Variants in NOX4 observed in about 807,000 individuals in gnomAD.
NOX4 encodes the protein kidney oxidase-1.
NOX4 carries 69 observed loss-of-function variants against 87.6 expected under a neutral mutation model. That is an observed-to-expected ratio of 0.79 (90% CI 0.65 to 0.96). The LOEUF is 0.96. NOX4 is among the 40% of genes least tolerant of loss of function. The probability of loss-of-function intolerance (pLI) is 0.00; values close to 1 mark genes in which losing one functional copy is unlikely to be tolerated. For synonymous variants in NOX4, 275 were observed against 238.2 expected (o/e 1.15, Z -1.42); for missense variants, 680 against 681.5 (o/e 1.00, Z 0.02).
intron 12 of NOX4, among the ~76,000 whole-genome samples, chr11:89,371,404 G>T (rs541580643): frequency 1.3e-5 from 2 of 151,956 alleles, no homozygotes; most frequent in Admixed American, 1.3e-4. Context: ...ACTATTAAGT[G>T]TTCCTAATAG....
chr11:89,421,939 A>G lies in NOX4; in HGVS notation c.592T>C (p.Phe198Leu). 6.4e-7 allele frequency: 1 copy of G among 1,572,342 alleles called. No homozygotes were observed. Among genetic ancestry groups the G allele is most frequent in the East Asian group, 2.4e-5 (1 of 41,508 alleles). The change falls in exon 8 of 18, where the codon TTT (phenylalanine) becomes CTT (leucine). Residue 198 changes from phenylalanine to leucine, a missense_variant. Transcript: ENST00000263317. The stretch of plus-strand genomic sequence containing the variant: ...AACGTCAGCAGCATGTAGAAGACAA[A>G]GAAGAGGTTATGAGTATACCAGAAG... ...DIFWYTHNLF[F>L]VFYMLLTLHV...
At chr11:89,363,516 G>A (rs934062636) in intron 12 of NOX4, among the ~76,000 whole-genome samples, 27 of 151,906 alleles carry the variant, frequency 1.8e-4, no homozygotes, top group Admixed American at 4.6e-4. Flanking sequence ...GAACTTCAAT[G>A]CCATTATAGC....
At chr11:89,478,925 G>C (rs1159207883) in intron 2 of NOX4, among the ~76,000 whole-genome samples, 2 of 151,652 alleles carry the variant, frequency 1.3e-5, no homozygotes, top group South Asian at 2.1e-4. Flanking sequence ...GGAGTTTAAG[G>C]CTGTAGTGCA....
intron 2 of NOX4, among the ~76,000 whole-genome samples, chr11:89,461,383 G>A (rs181524064): frequency 0.013 from 1,983 of 151,846 alleles, 44 homozygotes; most frequent in African/African-American, 0.046. Context: ...GGTGGGTTAC[G>A]CCTGTAATCC....
intron 7 of NOX4, among the ~76,000 whole-genome samples, chr11:89,424,991 T>C (rs1231514626): frequency 6.6e-6 from 1 of 152,060 alleles, no homozygotes; most frequent in African/African-American, 2.4e-5. Context: ...AAACAAAGCA[T>C]AAAAAACACT....
chr11:89,580,566 T>C, the NOX4 span, among the ~76,000 whole-genome samples: 1 of 152,168 alleles, frequency 6.6e-6, no homozygotes, highest in African/African-American at 2.4e-5. Flanking sequence ...TCATAAACAT[T>C]AAACTGATAA....
chr11:89,516,232 A>G, the NOX4 span, among the ~76,000 whole-genome samples: 1 of 152,096 alleles, frequency 6.6e-6, no homozygotes, highest in African/African-American at 2.4e-5. Context: ...CATACATTAT[A>G]AACCTCAAAA....
intron 2 of NOX4, among the ~76,000 whole-genome samples, chr11:89,489,294 G>C (rs1257841910): frequency 6.6e-6 from 1 of 151,920 alleles, no homozygotes; most frequent in Non-Finnish European, 1.5e-5. Context: ...TTAATTTTAA[G>C]TAGTCATTAA....
the NOX4 span, among the ~76,000 whole-genome samples, chr11:89,544,138 G>T: frequency 6.6e-6 from 1 of 152,026 alleles, no homozygotes; most frequent in African/African-American, 2.4e-5. Context: ...CAATGATTTG[G>T]TCTGATTTAT....
rs371989172 is a variant in NOX4, at chr11:89,335,894, G to A, written c.1567C>T (p.Arg523Cys). ...TCAAACAAAAGTTTCCACCGAGGACGTCCTATAAACAGTCTTGAATTCAGT... is the reference window on the plus strand; with the variant it reads ...TCAAACAAAAGTTTCCACCGAGGACATCCTATAAACAGTCTTGAATTCAGT... ...HALNSRLFIG[R>C]PRWKLLFDEI... Residue 523 changes from arginine to cysteine, a missense_variant, in exon 17 of 18, where the codon CGT (arginine) becomes TGT (cysteine). Coordinates refer to ENST00000263317, the MANE Select transcript of NOX4 (RefSeq NM_016931.5). The A allele has an allele frequency of 1.4e-5, 22 of 1,600,012 alleles. No individual in the cohort carries two copies. The highest frequency in any genetic ancestry group is 1.7e-4 in the Middle Eastern group (1 of 6,054).
At chr11:89,329,453 A>G (rs1945373097) in intron 17 of NOX4, among the ~76,000 whole-genome samples, 2 of 136,960 alleles carry the variant, frequency 1.5e-5, no homozygotes, top group Admixed American at 1.6e-4. Context: ...ACTGCAGTCC[A>G]ACATGAGAGA....
rs528519911 is a variant in NOX4 at position 89,331,480 on chromosome 11, A to T, written c.1616+4365T>A. On this transcript the variant is annotated intron_variant, in intron 17 of 17. Transcript: ENST00000263317. ...GCAAAAGAAATAAAAATATATGAAAATAAATGATGTTATACTTAATAAAAT... is the reference window on the plus strand; with the variant it reads ...GCAAAAGAAATAAAAATATATGAAATTAAATGATGTTATACTTAATAAAAT... Among the ~76,000 whole-genome samples the T allele has an allele frequency of 2.2e-4, 33 of 151,952 alleles. No individual in the cohort carries two copies. The East Asian group carries it at 5.2e-3, about 24-fold the overall frequency.
chr11:89,394,246 G>A (rs7109024), intron 11 of NOX4, among the ~76,000 whole-genome samples: 14,071 of 152,024 alleles, frequency 0.093, 787 homozygotes, highest in South Asian at 0.19. Context: ...AGTTTTCAGT[G>A]ATTGAGTATA....
intron 3 of NOX4, among the ~76,000 whole-genome samples, chr11:89,449,866 G>A (rs1944877817): frequency 6.6e-6 from 1 of 152,060 alleles, no homozygotes; most frequent in Non-Finnish European, 1.5e-5. Context: ...TGTCATCAGT[G>A]GTTGTTCTGG....
chr11:89,410,913 C>T (rs1002655518), intron 8 of NOX4, among the ~76,000 whole-genome samples: 5 of 152,124 alleles, frequency 3.3e-5, no homozygotes, highest in African/African-American at 1.2e-4. Context: ...GTGCTTGCAC[C>T]ACCTCTCTAC....
At chr11:89,370,655 C>T (rs1026903662) in intron 12 of NOX4, among the ~76,000 whole-genome samples, 54 of 152,150 alleles carry the variant, frequency 3.5e-4, no homozygotes, top group Middle Eastern at 3.4e-3. Flanking sequence ...TCCACTCCAT[C>T]TACTGTACTA....
intron 3 of NOX4, among the ~76,000 whole-genome samples, chr11:89,451,188 A>G (rs1438998899): frequency 1.3e-5 from 2 of 152,042 alleles, no homozygotes; most frequent in Non-Finnish European, 2.9e-5. Context: ...TGTTGTGCAC[A>G]TGTACCCTAG....
intron 2 of NOX4, among the ~76,000 whole-genome samples, chr11:89,489,308 A>G (rs979551583): frequency 1.3e-5 from 2 of 152,110 alleles, no homozygotes; most frequent in Admixed American, 1.3e-4. Flanking sequence ...TCATTAAACC[A>G]TGAAAAAAAA....
rs1812237335 is a variant in NOX4 at position 89,422,253 on chromosome 11, A to C, written c.549-271T>G. Among the ~76,000 whole-genome samples the C allele has an allele frequency of 2.0e-5, 3 of 151,920 alleles. No homozygotes were observed. In the South Asian group the frequency reaches 6.2e-4, roughly 31 times the overall value. On this transcript the variant is annotated intron_variant, in intron 7 of 17. Coordinates refer to ENST00000263317, the MANE Select transcript of NOX4 (RefSeq NM_016931.5). ...AAAATAAGTTGTTTATTTTCAAGTT[A>C]TTATGATATAAGGCTAAGAAGCAGA...
Sources: gnomAD v4.1 joint callset for allele counts (sites outside exome capture counted in the v4.1 genomes callset) on GRCh38, gnomAD v4.1.1 for gene constraint, MANE v1.5 for transcripts, NCBI Gene and HGNC (gene_info 2026-07-23, HGNC 2026-07-21) for gene names.